NRXN3: variants seen among roughly 807,000 people sequenced by gnomAD.
The protein encoded by NRXN3 is neurexin III.
NRXN3 carries 32 observed loss-of-function variants against 137.6 expected under a neutral mutation model. The ratio of observed to expected loss-of-function variants is 0.23; its 90% CI spans 0.18 to 0.31. The LOEUF (loss-of-function observed/expected upper bound fraction) is 0.31, where lower values mean the gene tolerates loss of function less well. NRXN3 is among the 10% of genes least tolerant of loss of function. NRXN3 has a pLI of 1.00. For synonymous variants in NRXN3, 798 were observed against 784.5 expected, an observed-to-expected ratio of 1.02 and a Z score of -0.29; for missense variants, 1,574 against 2,062.5, an observed-to-expected ratio of 0.76 and a Z score of 4.59.
intron 3 of NRXN3, among the ~76,000 whole-genome samples, chr14:78,281,556 G>A (rs1165155190): frequency 6.6e-6 from 1 of 152,136 alleles, no homozygotes; most frequent in Non-Finnish European, 1.5e-5. Context: ...GGAAAAAGGG[G>A]CAGGCACATT....
chr14:78,883,026 C>A (rs145689529), intron 10 of NRXN3, among the ~76,000 whole-genome samples: 1 of 152,168 alleles, frequency 6.6e-6, no homozygotes, highest in Admixed American at 6.5e-5. Flanking sequence ...CCCCCTTTTG[C>A]TCAGCACTTC....
chr14:79,787,534 T>A (rs187934948), intron 19 of NRXN3, among the ~76,000 whole-genome samples: 8 of 152,270 alleles, frequency 5.3e-5, no homozygotes, highest in Admixed American at 3.9e-4. Flanking sequence ...TCAACCAACA[T>A]CTCCTCATTC....
intron 15 of NRXN3, among the ~76,000 whole-genome samples, chr14:79,414,796 A>G (rs575960597): frequency 1.3e-5 from 2 of 152,182 alleles, no homozygotes; most frequent in Non-Finnish European, 2.9e-5. Flanking sequence ...CATACTCTAT[A>G]TTAGGTCTCC....
chr14:79,131,502 T>A (rs1388860661), intron 15 of NRXN3, among the ~76,000 whole-genome samples: 1 of 152,020 alleles, frequency 6.6e-6, no homozygotes, highest in Non-Finnish European at 1.5e-5. Context: ...GGGTCAGGGG[T>A]CAGGGACCCA....
chr14:79,354,337 GAGTT>G (rs2093342668), intron 15 of NRXN3, among the ~76,000 whole-genome samples: 3 of 152,232 alleles, frequency 2.0e-5, no homozygotes, highest in South Asian at 2.1e-4. Context: ...TAAATAAAAA[GAGTT>G]AGACAACTGG....
At chr14:79,281,087 T>C (rs111347649) in intron 15 of NRXN3, among the ~76,000 whole-genome samples, 2,235 of 152,132 alleles carry the variant, frequency 0.015, 53 homozygotes, top group African/African-American at 0.05. Flanking sequence ...ATTAACAACC[T>C]GTGGCCATTT....
At chr14:79,812,433 T>A (rs1028236594) in intron 20 of NRXN3, among the ~76,000 whole-genome samples, 1 of 152,024 alleles carries the variant, frequency 6.6e-6, no homozygotes, top group African/African-American at 2.4e-5. Flanking sequence ...TGAATGGAAA[T>A]GCCCACGATA....
chr14:78,176,287 C>T (rs565557992), intron 1 of NRXN3, among the ~76,000 whole-genome samples: 212 of 152,210 alleles, frequency 1.4e-3, no homozygotes, highest in African/African-American at 4.7e-3. Context: ...TTAGTAATCA[C>T]CATTCTCATC....
chr14:79,317,496 A>C (rs191657999), intron 15 of NRXN3, among the ~76,000 whole-genome samples: 1 of 152,110 alleles, frequency 6.6e-6, no homozygotes, highest in African/African-American at 2.4e-5. Context: ...TCCTACTCCA[A>C]TATGACCTTA....
intron 4 of NRXN3, among the ~76,000 whole-genome samples, chr14:78,372,540 T>C (rs976624017): frequency 1.3e-5 from 2 of 152,178 alleles, no homozygotes; most frequent in Non-Finnish European, 2.9e-5. Context: ...TTGGCCAGGC[T>C]GGTCTCCCAC....
chr14:79,021,139 C>A (rs1011259870), intron 15 of NRXN3, among the ~76,000 whole-genome samples: 1 of 152,204 alleles, frequency 6.6e-6, no homozygotes, highest in South Asian at 2.1e-4. Flanking sequence ...CACTTGATAC[C>A]TATGTTATCA....
intron 16 of NRXN3, among the ~76,000 whole-genome samples, chr14:79,645,526 G>T (rs2098449541): frequency 7.7e-6 from 1 of 130,468 alleles, no homozygotes; most frequent in Non-Finnish European, 1.8e-5. Context: ...TAAGGCAGGA[G>T]AATCACTAGA....
At chr14:78,859,531 C>G (rs1484317481) in intron 10 of NRXN3, among the ~76,000 whole-genome samples, 1 of 152,112 alleles carries the variant, frequency 6.6e-6, no homozygotes, top group East Asian at 1.9e-4. Context: ...TATAACAGAA[C>G]AGCAAAAAAT....
At chr14:78,286,600 A>G (rs1312175841) in intron 3 of NRXN3, among the ~76,000 whole-genome samples, 1 of 152,146 alleles carries the variant, frequency 6.6e-6, no homozygotes, top group African/African-American at 2.4e-5. Flanking sequence ...TTTATGGGGT[A>G]GCTTAGCTGA....
chr14:79,346,546 A>C (rs2092895392), intron 15 of NRXN3, among the ~76,000 whole-genome samples: 1 of 152,164 alleles, frequency 6.6e-6, no homozygotes, highest in Non-Finnish European at 1.5e-5. Context: ...TAAAAATCCT[A>C]ACTCTTTCTT....
At chr14:79,560,536 A>C (rs191464304) in intron 16 of NRXN3, among the ~76,000 whole-genome samples, 164 of 19,548 alleles carry the variant, frequency 8.4e-3, no homozygotes, top group African/African-American at 0.02. Context: ...TTTGAGATGG[A>C]GTCTCTCTCT....
chr14:79,834,342 A>G (rs2099330959), intron 20 of NRXN3, among the ~76,000 whole-genome samples: 1 of 152,100 alleles, frequency 6.6e-6, no homozygotes, highest in South Asian at 2.1e-4. Context: ...TTCCGATAAC[A>G]GATTTTCAAG....
intron 10 of NRXN3, among the ~76,000 whole-genome samples, chr14:78,918,293 A>G (rs2099261776): frequency 6.7e-6 from 1 of 149,828 alleles, no homozygotes; most frequent in Admixed American, 6.6e-5. Flanking sequence ...CTCAAAAAAA[A>G]AAAAAAAAAA....
intron 10 of NRXN3, among the ~76,000 whole-genome samples, chr14:78,851,063 C>T (rs1443452648): frequency 2.0e-5 from 3 of 152,040 alleles, no homozygotes; most frequent in African/African-American, 7.3e-5. Flanking sequence ...TTTTATTTCC[C>T]TGACAGTTAG....
Sources: allele counts gnomAD v4.1 joint callset (sites outside exome capture counted in the v4.1 genomes callset), GRCh38; gene constraint gnomAD v4.1.1; transcripts MANE v1.5; gene names NCBI Gene and HGNC (gene_info 2026-07-23, HGNC 2026-07-21).